The following ZDHHC17 variants were observed in gnomAD, a reference collection of about 807,000 sequenced individuals.
ZDHHC17 encodes zDHHC palmitoyltransferase 17.
ZDHHC17 carries 40 observed loss-of-function variants against 90.3 expected under a neutral mutation model. That is an observed-to-expected ratio of 0.44 (90% CI 0.34 to 0.58). The LOEUF is 0.58. ZDHHC17 is among the 20% of genes least tolerant of loss of function. The probability of loss-of-function intolerance (pLI) is 0.01; values close to 1 mark genes in which losing one functional copy is unlikely to be tolerated. For synonymous variants in ZDHHC17, 235 were observed against 252.4 expected, an observed-to-expected ratio of 0.93 and a Z score of 0.65; for missense variants, 614 against 780.8, an observed-to-expected ratio of 0.79 and a Z score of 2.55.
intron 12 of ZDHHC17, among the ~76,000 whole-genome samples, chr12:76,843,214 C>T (rs1052835750): frequency 1.3e-5 from 2 of 152,104 alleles, no homozygotes; most frequent in African/African-American, 4.8e-5. Context: ...TGTATTCATT[C>T]TCTTTCTCTT....
intron 14 of ZDHHC17, among the ~76,000 whole-genome samples, chr12:76,847,222 T>A (rs1193419168): frequency 6.6e-6 from 1 of 152,242 alleles, no homozygotes; most frequent in African/African-American, 2.4e-5. Context: ...TTTGTTGCAT[T>A]GAGAATGCAG....
At chr12:76,768,421 T>C (rs1952455411) in intron 1 of ZDHHC17, among the ~76,000 whole-genome samples, 1 of 152,216 alleles carries the variant, frequency 6.6e-6, no homozygotes, top group Non-Finnish European at 1.5e-5. Context: ...ATAATCAACT[T>C]GAGCATCTGT....
At chr12:76,809,640 G>A (rs2137762108) in intron 4 of ZDHHC17, 73 bp from the exon 5 acceptor site, 1 of 1,256,600 alleles carries the variant, frequency 8.0e-7, no homozygotes, top group Non-Finnish European at 1.0e-6. Context: ...TACCTTACTT[G>A]AAAAAGCTCT....
At chr12:76,850,160 C>G (rs1953546018) in intron 16 of ZDHHC17, among the ~76,000 whole-genome samples, 1 of 151,974 alleles carries the variant, frequency 6.6e-6, no homozygotes, top group African/African-American at 2.4e-5. Context: ...CATGATCCAC[C>G]CGCCTCGGCC....
intron 12 of ZDHHC17, chr12:76,844,573 G>A (rs1198842255): frequency 6.6e-6 from 1 of 152,172 alleles, no homozygotes; most frequent in Non-Finnish European, 1.5e-5. Context: ...ATTTTTGACA[G>A]TGTTGCAGCT....
At chr12:76,794,947 T>C (rs1287407745) in intron 1 of ZDHHC17, among the ~76,000 whole-genome samples, 1 of 152,198 alleles carries the variant, frequency 6.6e-6, no homozygotes, top group African/African-American at 2.4e-5. Flanking sequence ...ATTTTCAAAG[T>C]TTTTTCAAGT....
chr12:76,798,702 G>C (rs1952851721), intron 2 of ZDHHC17, among the ~76,000 whole-genome samples: 1 of 152,188 alleles, frequency 6.6e-6, no homozygotes, highest in Non-Finnish European at 1.5e-5. Context: ...TTCTGCTTCT[G>C]AGGAGTCTTC....
intron 1 of ZDHHC17, among the ~76,000 whole-genome samples, chr12:76,795,217 GGTGTGT>G (rs71085456): frequency 4.7e-5 from 7 of 148,636 alleles, no homozygotes; most frequent in African/African-American, 1.5e-4. Flanking sequence ...TTGGTTCATG[GGTGTGT>G]GTGTGTGTGT....
At chr12:76,794,070 A>T (rs1307196364) in intron 1 of ZDHHC17, among the ~76,000 whole-genome samples, 1 of 152,032 alleles carries the variant, frequency 6.6e-6, no homozygotes, top group African/African-American at 2.4e-5. Context: ...ATTTTTTAGT[A>T]GAGACGGGGT....
intron 10 of ZDHHC17, among the ~76,000 whole-genome samples, chr12:76,829,213 C>CT: frequency 6.6e-6 from 1 of 152,120 alleles, no homozygotes; most frequent in East Asian, 1.9e-4. Flanking sequence ...AATTTCAGCA[C>CT]TTTGGGAGGT....
At chr12:76,841,793 C>T (rs1953438858) in intron 10 of ZDHHC17, among the ~76,000 whole-genome samples, 189 bp from the exon 11 acceptor site, 1 of 151,978 alleles carries the variant, frequency 6.6e-6, no homozygotes, top group African/African-American at 2.4e-5. Context: ...TTTAAAGTGT[C>T]AGATAAGTCT....
rs1952464966 is a variant in ZDHHC17 at position 76,769,201 on chromosome 12, G to C, written c.93+4872G>C. The C allele has an allele frequency of 1.4e-5, 3 of 211,586 alleles. No homozygotes were observed. In the South Asian group the frequency reaches 1.5e-4, roughly 11 times the overall value. The allele number at this position is 211,586 out of a possible 1,614,324, so 13.1% of individuals were successfully genotyped here. A position where few individuals can be genotyped will look rare whatever the true frequency, so the allele number is the denominator to read the frequency against. ...AGCCTCCCGAGTAGCTGGGATTACA[G>C]GTGCCTGCCACCACACGTGGCTAAT... On this transcript the variant is annotated intron_variant, in intron 1 of 16. Transcript: ENST00000426126.
chr12:76,813,382 A>G (rs756247275), intron 5 of ZDHHC17: 24 of 450,868 alleles, frequency 5.3e-5, no homozygotes, highest in Middle Eastern at 3.3e-4. Flanking sequence ...TCCTGACAAC[A>G]CTATTAAAGT....
intron 1 of ZDHHC17, among the ~76,000 whole-genome samples, chr12:76,791,582 A>T (rs1011241803): frequency 7.9e-5 from 12 of 152,174 alleles, no homozygotes; most frequent in African/African-American, 2.7e-4. Context: ...CCATAAATTT[A>T]ATAGAATTAA....
At chr12:76,809,177 A>G (rs982401680) in intron 4 of ZDHHC17, 57 bp downstream of exon 4, 7 of 1,250,992 alleles carry the variant, frequency 5.6e-6, no homozygotes, top group Non-Finnish European at 7.5e-6. Context: ...ATATAAATAA[A>G]CAACTTTAAA....
chr12:76,850,973 C>T lies in ZDHHC17; in HGVS notation c.1887C>T (p.Tyr629=). Residue 629 remains tyrosine (Y), a synonymous_variant, in exon 17 of 17, where the codon TAC becomes TAT. Coordinates refer to ENST00000426126, the MANE Select transcript of ZDHHC17 (RefSeq NM_015336.4). ...ATGACCAAATATCAGGATCTGGGTA[C>T]CAGCTGGTGTAGCGACATCTTATCC... The part of the protein sequence containing the change: ...IEYDQISGSG[Y]QLV 3.7e-6 allele frequency: 6 copies of T among 1,613,806 alleles called. No homozygotes were observed. Among genetic ancestry groups the T allele is most frequent in the Non-Finnish European group, 5.1e-6 (6 of 1,179,822 alleles).
chr12:76,849,181 C>T (rs1953531533), intron 15 of ZDHHC17, among the ~76,000 whole-genome samples, 195 bp from the exon 16 acceptor site: 1 of 105,904 alleles, frequency 9.4e-6, no homozygotes, highest in Admixed American at 1.2e-4. Flanking sequence ...ATGGTGCATG[C>T]GCCTGTAATC....
At position 76,851,031 on chromosome 12, in the gene ZDHHC17, TTG is replaced by T. The variant is rs759560890; in HGVS notation, c.*50_*51del. 6.2e-7 allele frequency: 1 copy of T among 1,611,592 alleles called. No homozygotes were observed. The highest frequency in any genetic ancestry group is 1.1e-5 in the South Asian group (1 of 90,710). On this transcript the variant is annotated 3_prime_UTR_variant, in exon 17 of 17. Coordinates refer to ENST00000426126, the MANE Select transcript of ZDHHC17 (RefSeq NM_015336.4). Reference sequence around the variant, plus strand: ...CATATTGCTGAGTGGTGCCTGAAAATTGTGTCTGTCCGTGTCTTTCTCACACT... The same window carrying T: ...CATATTGCTGAGTGGTGCCTGAAAATTGTCTGTCCGTGTCTTTCTCACACT...
chr12:76,794,085 CTGTGT>C, intron 1 of ZDHHC17, among the ~76,000 whole-genome samples: 1 of 152,092 alleles, frequency 6.6e-6, no homozygotes, highest in South Asian at 2.1e-4. Context: ...CGGGGTTTCA[CTGTGT>C]TAGCCAGGAT....
Sources: gnomAD v4.1 joint callset for allele counts (sites outside exome capture counted in the v4.1 genomes callset) on GRCh38, gnomAD v4.1.1 for gene constraint, MANE v1.5 for transcripts, NCBI Gene and HGNC (gene_info 2026-07-23, HGNC 2026-07-21) for gene names.